The following ATP1A4 variants were observed in gnomAD, a reference collection of about 807,000 sequenced individuals.
ATP1A4 encodes the protein ATPase Na+/K+ transporting subunit alpha 4, also known as sodium/potassium-transporting ATPase subunit alpha-4.
ATP1A4 carries 90 observed loss-of-function variants against 114.3 expected under a neutral mutation model. The ratio of observed to expected loss-of-function variants is 0.79; its 90% confidence interval spans 0.66 to 0.94. The LOEUF (loss-of-function observed/expected upper bound fraction) is 0.94. Ranked by LOEUF, ATP1A4 falls within the 40% of genes least tolerant of loss-of-function variation. ATP1A4 has a pLI of 0.00. For synonymous variants in ATP1A4, 511 were observed against 494.1 expected, an observed-to-expected ratio of 1.03 and a Z score of -0.45; for missense variants, 1,222 against 1,313.6, an observed-to-expected ratio of 0.93 and a Z score of 1.08.
chr1:160,168,808 T>C (rs915911884), intron 10 of ATP1A4, among the ~76,000 whole-genome samples: 1 of 152,216 alleles, frequency 6.6e-6, no homozygotes, highest in Non-Finnish European at 1.5e-5. Flanking sequence ...AAAATAGGTC[T>C]CTTAGGCCCA....
intron 18 of ATP1A4, among the ~76,000 whole-genome samples, chr1:160,180,079 T>G (rs76965306): frequency 6.6e-6 from 1 of 152,318 alleles, no homozygotes; most frequent in East Asian, 1.9e-4. Context: ...ATCATCAACA[T>G]GGACAATTCA....
chr1:160,180,003 G>T (rs531947997), intron 18 of ATP1A4, among the ~76,000 whole-genome samples: 65 of 152,298 alleles, frequency 4.3e-4, no homozygotes, highest in Admixed American at 4.3e-3. Context: ...AAGCAGCCCA[G>T]GTGGGGAGTA....
intron 15 of ATP1A4, 36 bp downstream of exon 15, chr1:160,174,783 C>G: frequency 6.2e-7 from 1 of 1,612,384 alleles, no homozygotes; most frequent in Non-Finnish European, 8.5e-7. Context: ...GAGACTTCAA[C>G]CCTGGACTCA....
intron 18 of ATP1A4, 29 bp from the exon 19 acceptor site, chr1:160,181,655 A>G: frequency 6.2e-7 from 1 of 1,613,006 alleles, no homozygotes; most frequent in East Asian, 2.2e-5. Flanking sequence ...CCCTTCTGAC[A>G]CTGTTTCCTC....
At chr1:160,183,897 C>T (rs2101660244) in intron 20 of ATP1A4, among the ~76,000 whole-genome samples, 1 of 151,076 alleles carries the variant, frequency 6.6e-6, no homozygotes, top group Non-Finnish European at 1.5e-5. Context: ...AAAATATTCA[C>T]TGAATTTCCA....
At position 160,167,090 on chromosome 1, in the gene ATP1A4, A is replaced by G; in HGVS notation, c.1356+13A>G. On this transcript the variant is annotated intron_variant, in intron 9 of 21. Transcript: ENST00000368081. ...GCCCATTGCTAAGGTGTCAGGCCCA[A>G]GGGGAAGAGGGTACCTCAGTGTCCA... 2 of 1,612,192 alleles carry G rather than the reference A, an allele frequency of 1.2e-6. No individual in the cohort carries two copies. The highest frequency in any genetic ancestry group is 1.7e-6 in the Non-Finnish European group (2 of 1,178,278).
At chr1:160,166,502 A>G (rs2101636591) in intron 7 of ATP1A4, 26 bp from the exon 8 acceptor site, 1 of 1,613,376 alleles carries the variant, frequency 6.2e-7, no homozygotes, top group Non-Finnish European at 8.5e-7. Context: ...TCCCATGTGT[A>G]TTCTCTCCTC....
chr1:160,154,256 A>C (rs1211533566), intron 2 of ATP1A4, among the ~76,000 whole-genome samples: 1 of 152,094 alleles, frequency 6.6e-6, no homozygotes, highest in Non-Finnish European at 1.5e-5. Context: ...TGGGAGGCTG[A>C]GGCAGGAGAA....
At chr1:160,161,075 T>A (rs1328280645) in intron 6 of ATP1A4, among the ~76,000 whole-genome samples, 1 of 151,998 alleles carries the variant, frequency 6.6e-6, no homozygotes, top group Non-Finnish European at 1.5e-5. Flanking sequence ...TAGAAAATGG[T>A]TTTGTAGGAG....
chr1:160,186,603 T>C, intron 21 of ATP1A4, 68 bp from the exon 22 acceptor site: 1 of 1,558,500 alleles, frequency 6.4e-7, no homozygotes, highest in Non-Finnish European at 8.8e-7. Flanking sequence ...TGCTTTCCCT[T>C]CTGCCTGTCT....
intron 20 of ATP1A4, among the ~76,000 whole-genome samples, chr1:160,182,539 T>C (rs1653740876): frequency 6.6e-6 from 1 of 152,146 alleles, no homozygotes; most frequent in Non-Finnish European, 1.5e-5. Context: ...TGTGGAAAAA[T>C]TTATATTTAA....
At position 160,152,152 on chromosome 1, in the gene ATP1A4, C is replaced by A; in HGVS notation, c.112C>A (p.Arg38Ser). 3 of 1,613,882 alleles carry A rather than the reference C, an allele frequency of 1.9e-6. No individual in the cohort carries two copies. The highest frequency in any genetic ancestry group is 2.5e-6 in the Non-Finnish European group (3 of 1,179,960). Residue 38 changes from arginine to serine, a missense_variant, in exon 1 of 22, where the codon CGC becomes AGC. Arg to Ser is a moderately radical substitution (Grantham distance 110). Coordinates refer to ENST00000368081, the MANE Select transcript of ATP1A4 (RefSeq NM_144699.4). ...AATGGTGAAGAGGGAAAAACAGAAG[C>A]GCAATATGGAGGAACTGAAGAAGGA... is the stretch of plus-strand genomic sequence containing the variant. Reference protein sequence around the residue: ...KKMVKREKQKRNMEELKKEVV... With the variant: ...KKMVKREKQKSNMEELKKEVV...
rs139203818 is a variant in ATP1A4 at position 160,184,397 on chromosome 1, C to T, written c.2970-1879C>T. Among the ~76,000 whole-genome samples, 192 of 152,104 alleles carry T rather than the reference C, an allele frequency of 1.3e-3. 1 individual carries two copies. The highest frequency in any genetic ancestry group is 2.8e-3 in the Admixed American group (43 of 15,282). ...ATCGTCTCAATAAAAAAATTTAAAA[C>T]TTAGCCAGGTGTAGCGGTGCACACT... On this transcript the variant is annotated intron_variant, in intron 20 of 21. Coordinates refer to ENST00000368081, the MANE Select transcript of ATP1A4 (RefSeq NM_144699.4).
rs1279710158 is a variant in ATP1A4, at chr1:160,155,261, A to G, written c.411+13A>G. On this transcript the variant is annotated intron_variant, in intron 3 of 21. Transcript: ENST00000368081. Reference sequence around the variant, plus strand: ...TACCAAAGACAACGTGAGTCTCTTCAGCTACTACTAGCCAGCCCTATCTCT... The same window carrying G: ...TACCAAAGACAACGTGAGTCTCTTCGGCTACTACTAGCCAGCCCTATCTCT... 2.5e-6 allele frequency: 4 copies of G among 1,604,168 alleles called. No homozygotes were observed. In the South Asian group the frequency reaches 4.4e-5, roughly 18 times the overall value.
rs971841232 is a variant in ATP1A4, at chr1:160,168,470, C to T, written c.1491+1058C>T. On this transcript the variant is annotated intron_variant, in intron 10 of 21. Transcript: ENST00000368081. The stretch of plus-strand genomic sequence containing the variant: ...CAATCTTGGCTCACTGCAACCTCCA[C>T]CTCCTGGGTTCAAGGGATTCTCCTG... Among the ~76,000 whole-genome samples, 4 of 150,328 alleles carry T rather than the reference C, an allele frequency of 2.7e-5. No homozygotes were observed. The Admixed American group carries it at 2.7e-4, about 10-fold the overall frequency.
chr1:160,181,904 C>T (rs375370087), intron 19 of ATP1A4, 26 bp from the exon 20 acceptor site: 39 of 1,613,510 alleles, frequency 2.4e-5, no homozygotes, highest in Non-Finnish European at 3.3e-5. Flanking sequence ...TCCCTCCCCG[C>T]CACACCCATG....
Position 160,171,765 on chromosome 1 carries a change from C to T in ATP1A4, c.1854+8C>T, listed in dbSNP as rs745669753. On this transcript the variant is annotated splice_region_variant and intron_variant, in intron 12 of 21. Transcript: ENST00000368081. ...CGCAGTGCAGGAATTAAGGTAAATACTTGCCCAGACCAGGAGCCCCTCACC... is the reference window on the plus strand; with the variant it reads ...CGCAGTGCAGGAATTAAGGTAAATATTTGCCCAGACCAGGAGCCCCTCACC... The T allele has an allele frequency of 7.4e-6, 12 of 1,612,912 alleles. No individual in the cohort carries two copies. The Admixed American group carries it at 1.5e-4, about 20-fold the overall frequency.
intron 5 of ATP1A4, 56 bp downstream of exon 5, chr1:160,159,192 A>G: frequency 1.3e-6 from 2 of 1,585,826 alleles, no homozygotes; most frequent in Admixed American, 3.6e-5. Context: ...ATGGCAGGGT[A>G]GACACCTGGG....
intron 13 of ATP1A4, 101 bp from the exon 14 acceptor site, chr1:160,174,010 G>T: frequency 7.1e-7 from 1 of 1,408,852 alleles, no homozygotes; most frequent in Non-Finnish European, 9.7e-7. Flanking sequence ...AGGAGACTAG[G>T]TTGAAAGAAG....
Sources: allele counts gnomAD v4.1 joint callset (sites outside exome capture counted in the v4.1 genomes callset), GRCh38; gene constraint gnomAD v4.1.1; transcripts MANE v1.5; gene names NCBI Gene and HGNC (gene_info 2026-07-23, HGNC 2026-07-21).